THOC1: variants seen among roughly 807,000 people sequenced by gnomAD.
THOC1 encodes THO complex subunit 1, also known as THO complex 1.
A neutral mutation model predicts 97.3 loss-of-function variants in THOC1; 29 were observed. The ratio of observed to expected loss-of-function variants is 0.30; its 90% confidence interval spans 0.22 to 0.41. The LOEUF (loss-of-function observed/expected upper bound fraction) is 0.41, where lower values mean the gene tolerates loss of function less well. Ranked by LOEUF, THOC1 falls within the 10% of genes least tolerant of loss-of-function variation. The pLI, the probability that THOC1 is intolerant of heterozygous loss-of-function variation, is 1.00. For synonymous variants in THOC1, 255 were observed against 257.0 expected, an observed-to-expected ratio of 0.99 and a Z score of 0.07; for missense variants, 529 against 761.9, an observed-to-expected ratio of 0.69 and a Z score of 3.60.
In THOC1 at chr18:225,341, T is replaced by C; in HGVS notation, c.1082A>G (p.Tyr361Cys). 6.2e-7 allele frequency: 1 copy of C among 1,613,504 alleles called. No homozygotes were observed. The highest frequency in any genetic ancestry group is 8.5e-7 in the Non-Finnish European group (1 of 1,179,694). Residue 361 changes from tyrosine to cysteine, a missense_variant, in exon 13 of 21, where the codon TAT becomes TGT. Transcript: ENST00000261600. ...LWIEDTTKSV[Y>C]QLLSENPPDG... ...TTTGTTGCGTGTTGAACTTACTTGA[T>C]AAACTGATTTTGTAGTATCTTCAAT... is the stretch of plus-strand genomic sequence containing the variant.
At chr18:227,992 G>A (rs970364088) in intron 11 of THOC1, among the ~76,000 whole-genome samples, 3 of 151,962 alleles carry the variant, frequency 2.0e-5, no homozygotes, top group Non-Finnish European at 4.4e-5. Flanking sequence ...TTTCCCTCAC[G>A]TTTAAGGATT....
At chr18:266,287 C>G (rs927419449) in intron 1 of THOC1, among the ~76,000 whole-genome samples, 1 of 152,226 alleles carries the variant, frequency 6.6e-6, no homozygotes, top group Non-Finnish European at 1.5e-5. Context: ...CTGCCACTAA[C>G]AGGCTGAGTA....
At position 215,454 on chromosome 18, in the gene THOC1, A is replaced by C; in HGVS notation, c.1653T>G (p.Asn551Lys). The change falls in exon 20 of 21, where the codon AAT (asparagine) becomes AAG (lysine). Residue 551 changes from asparagine (N) to lysine (K), a missense_variant. Asn to Lys is a moderately conservative substitution (Grantham distance 94, BLOSUM62 0). This residue lies in a region of THOC1 where 27 missense variants were observed against 80.6 expected (regional missense o/e 0.33). Transcript: ENST00000261600. ...KTGEDEDEED[N>K]DALLKENESP... ...TTTCATTTTCCTTCAGTAGAGCATC[A>C]TTATCTTCCTCATCTTCATCCTCAC... The C allele has an allele frequency of 6.2e-7, 1 of 1,613,712 alleles. No individual in the cohort carries two copies. The highest frequency in any genetic ancestry group is 8.5e-7 in the Non-Finnish European group (1 of 1,179,692).
intron 12 of THOC1, 127 bp downstream of exon 12, chr18:226,674 T>C (rs1296846439): frequency 1.6e-6 from 1 of 618,954 alleles, no homozygotes; most frequent in Non-Finnish European, 2.8e-6. Context: ...ATGTATCAGC[T>C]GCAATACATG....
intron 12 of THOC1, chr18:225,862 C>T (rs1441729955): frequency 2.6e-5 from 4 of 156,196 alleles, no homozygotes; most frequent in African/African-American, 7.2e-5. Context: ...ACTGAGCTCT[C>T]ATAATGCACT....
At chr18:253,621 C>T (rs1912348212) in intron 8 of THOC1, among the ~76,000 whole-genome samples, 1 of 152,116 alleles carries the variant, frequency 6.6e-6, no homozygotes, top group African/African-American at 2.4e-5. Flanking sequence ...AATACATATT[C>T]TGCAAAAAAT....
intron 11 of THOC1, chr18:245,428 T>C (rs1019698939): frequency 6.6e-6 from 1 of 152,218 alleles, no homozygotes; most frequent in African/African-American, 2.4e-5. Context: ...TTCATAAGTA[T>C]ACTGAGCATA....
chr18:231,921 C>A (rs952840037), intron 11 of THOC1, among the ~76,000 whole-genome samples: 1 of 152,328 alleles, frequency 6.6e-6, no homozygotes, highest in Non-Finnish European at 1.5e-5. Context: ...CATCTTAATA[C>A]ATGTTGCTCT....
intron 16 of THOC1, 92 bp downstream of exon 16, chr18:223,992 C>T: frequency 1.1e-6 from 1 of 936,812 alleles, no homozygotes; most frequent in Non-Finnish European, 1.7e-6. Flanking sequence ...AACACAATCT[C>T]ATACTATATT....
At chr18:244,013 T>C (rs1268828017) in intron 11 of THOC1, among the ~76,000 whole-genome samples, 1 of 152,168 alleles carries the variant, frequency 6.6e-6, no homozygotes, top group Non-Finnish European at 1.5e-5. Context: ...CTTTGATCTC[T>C]GTTCTTTGAG....
At chr18:218,285 A>G (rs600220) in intron 18 of THOC1, among the ~76,000 whole-genome samples, 95,009 of 152,030 alleles carry the variant, frequency 0.62, 29,887 homozygotes, top group South Asian at 0.76. Flanking sequence ...TGGTAGAGGG[A>G]ATCGAACCTA....
chr18:260,853 A>G (rs909671283), intron 4 of THOC1: 1 of 152,232 alleles, frequency 6.6e-6, no homozygotes, highest in Non-Finnish European at 1.5e-5. Context: ...GCTAAGTGAA[A>G]AAAGGCAGGA....
chr18:248,033 T>G, intron 9 of THOC1, 76 bp from the exon 10 acceptor site: 3 of 1,003,078 alleles, frequency 3.0e-6, no homozygotes, highest in Admixed American at 2.8e-5. Context: ...AACTTAGCTT[T>G]GGTCACAAAC....
rs1232893379 is a variant in THOC1 at position 214,525 on chromosome 18, A to G, written c.*101T>C. The G allele has an allele frequency of 7.9e-6, 7 of 890,044 alleles. No homozygotes were observed. The East Asian group carries it at 1.5e-4, about 19-fold the overall frequency. The allele number at this position is 890,044 out of a possible 1,614,324, so 55.1% of individuals were successfully genotyped here. A position where few individuals can be genotyped will look rare whatever the true frequency, so the allele number is the denominator to read the frequency against. ...ACCAGCCGACTGTACAACAATTGTT[A>G]TAAAAATGTTTATTGTTTACCAAAA... On this transcript the variant is annotated 3_prime_UTR_variant, in exon 21 of 21. Coordinates refer to ENST00000261600, the MANE Select transcript of THOC1 (RefSeq NM_005131.3).
chr18:217,530 A>C (rs1812746711), intron 18 of THOC1, among the ~76,000 whole-genome samples: 1 of 152,228 alleles, frequency 6.6e-6, no homozygotes, highest in South Asian at 2.1e-4. Context: ...TCAATCGACA[A>C]ACACTTTTGA....
chr18:236,076 TC>T (rs1361478404), intron 11 of THOC1, among the ~76,000 whole-genome samples: 1 of 152,208 alleles, frequency 6.6e-6, no homozygotes, highest in African/African-American at 2.4e-5. Context: ...TTATACTTTT[TC>T]CCTTAAATTC....
At chr18:227,297 T>C (rs1009888501) in intron 11 of THOC1, among the ~76,000 whole-genome samples, 2 of 151,954 alleles carry the variant, frequency 1.3e-5, no homozygotes, top group South Asian at 2.1e-4. Flanking sequence ...CTGAGCAACA[T>C]AGCAAGACTC....
At chr18:266,705 T>G (rs1020712017) in intron 1 of THOC1, among the ~76,000 whole-genome samples, 26 of 152,204 alleles carry the variant, frequency 1.7e-4, no homozygotes, top group African/African-American at 6.3e-4. Flanking sequence ...CCTGGCTAAT[T>G]TTCGTATTTT....
chr18:228,614 T>C (rs761318168), intron 11 of THOC1, among the ~76,000 whole-genome samples: 4 of 152,238 alleles, frequency 2.6e-5, no homozygotes, highest in Non-Finnish European at 5.9e-5. Context: ...ACTCCTGGTC[T>C]AGACTTCATG....
Sources: allele counts gnomAD v4.1 joint callset (sites outside exome capture counted in the v4.1 genomes callset), GRCh38; gene constraint gnomAD v4.1.1; regional missense constraint gnomAD v4.1.1; transcripts MANE v1.5; gene names NCBI Gene and HGNC (gene_info 2026-07-23, HGNC 2026-07-21).